Variants in ZNF410 observed in about 807,000 individuals in gnomAD.
ZNF410 encodes zinc finger protein 410.
In ZNF410, 18 loss-of-function variants were observed where a neutral mutation model predicts 54.8. The ratio of observed to expected loss-of-function variants is 0.33; its 90% confidence interval spans 0.23 to 0.49. The LOEUF is 0.49. Ranked by LOEUF, ZNF410 falls within the 20% of genes least tolerant of loss-of-function variation. The probability of loss-of-function intolerance (pLI) is 0.99; values close to 1 mark genes in which losing one functional copy is unlikely to be tolerated. For synonymous variants in ZNF410, 191 were observed against 207.3 expected, an observed-to-expected ratio of 0.92 and a Z score of 0.68; for missense variants, 405 against 569.6, an observed-to-expected ratio of 0.71 and a Z score of 2.94.
chr14:73,888,776 A>G (rs1445745410), intron 1 of ZNF410, among the ~76,000 whole-genome samples: 1 of 152,192 alleles, frequency 6.6e-6, no homozygotes, highest in African/African-American at 2.4e-5. Context: ...GTTAAAGATG[A>G]GATCCCCACA....
At chr14:73,886,958 A>T (rs1332279202) in intron 1 of ZNF410, 43 bp downstream of exon 1, 1 of 152,630 alleles carries the variant, frequency 6.6e-6, no homozygotes, top group Non-Finnish European at 1.5e-5. Context: ...TCGGTTAGGT[A>T]GTACCCGAGA....
intron 10 of ZNF410, 124 bp from the exon 11 acceptor site, chr14:73,923,271 G>GA (rs2055780806): frequency 2.7e-6 from 3 of 1,126,482 alleles, no homozygotes; most frequent in Non-Finnish European, 3.6e-6. Flanking sequence ...TAACTTGGAA[G>GA]AAATAGAGGA....
Position 73,896,474 on chromosome 14 carries a change from T to C in ZNF410, c.328T>C (p.Leu110=). The C allele has an allele frequency of 6.2e-7, 1 of 1,614,188 alleles. No homozygotes were observed. The highest frequency in any genetic ancestry group is 8.5e-7 in the Non-Finnish European group (1 of 1,180,032). The change falls in exon 4 of 12, where the codon TTG becomes CTG. Residue 110 remains leucine, a synonymous_variant. Transcript: ENST00000555044. ...GTCCACTTCAGAGTCTTCTAGCTTG[T>C]TGCAAGATCTACAGCCAAGTGATAG... ...FLSTSESSSL[L]QDLQPSDSTS...
intron 4 of ZNF410, 105 bp downstream of exon 4, chr14:73,896,639 T>G (rs1406793119): frequency 1.1e-6 from 1 of 929,386 alleles, no homozygotes; most frequent in Non-Finnish European, 1.6e-6. Flanking sequence ...CTTTATTATT[T>G]TATTATTTTG....
At chr14:73,890,977 C>G (rs960569944) in intron 1 of ZNF410, among the ~76,000 whole-genome samples, 1 of 152,100 alleles carries the variant, frequency 6.6e-6, no homozygotes, top group South Asian at 2.1e-4. Context: ...CATTGTGCTC[C>G]AGCCTGGGCA....
chr14:73,903,292 A>G (rs2055435261), intron 5 of ZNF410, among the ~76,000 whole-genome samples: 2 of 152,180 alleles, frequency 1.3e-5, no homozygotes, highest in African/African-American at 2.4e-5. Flanking sequence ...ACTCAGGGAT[A>G]GTGTTGCTAT....
chr14:73,893,963 A>C (rs2055271198), intron 3 of ZNF410, 31 bp downstream of exon 3: 5 of 1,591,550 alleles, frequency 3.1e-6, no homozygotes, highest in Middle Eastern at 3.5e-4. Flanking sequence ...AAATAGGATA[A>C]AGAAGTCTTA....
At chr14:73,905,994 T>TATATATATATACAC (rs1293177402) in intron 7 of ZNF410, among the ~76,000 whole-genome samples, 1 of 136,562 alleles carries the variant, frequency 7.3e-6, no homozygotes, top group African/African-American at 2.9e-5. Flanking sequence ...TATATATATA[T>TATATATATATACAC]ACACACATAC....
intron 10 of ZNF410, 22 bp downstream of exon 10, chr14:73,922,228 TA>T: frequency 6.2e-7 from 1 of 1,608,574 alleles, no homozygotes; most frequent in Non-Finnish European, 8.5e-7. Context: ...AACTCTCCTT[TA>T]TTTGGGAAAA....
At chr14:73,902,760 A>G (rs910301499) in intron 5 of ZNF410, among the ~76,000 whole-genome samples, 3 of 152,200 alleles carry the variant, frequency 2.0e-5, no homozygotes, top group Non-Finnish European at 1.5e-5. Context: ...AGAAAGTGAA[A>G]GAAAAGGACC....
intron 2 of ZNF410, chr14:73,893,525 A>G (rs967204870): frequency 3.2e-5 from 10 of 310,594 alleles, no homozygotes; most frequent in African/African-American, 2.2e-4. Flanking sequence ...AAAAAGTACA[A>G]TAAAAATAGG....
chr14:73,921,145 A>C (rs1418569392), intron 9 of ZNF410, 40 bp downstream of exon 9: 1 of 1,607,810 alleles, frequency 6.2e-7, no homozygotes, highest in Non-Finnish European at 8.5e-7. Flanking sequence ...TACTACTTCT[A>C]GGGTTCCAAG....
intron 7 of ZNF410, among the ~76,000 whole-genome samples, chr14:73,908,832 T>TG (rs1555353603): frequency 1.3e-5 from 2 of 151,166 alleles, no homozygotes; most frequent in African/African-American, 4.9e-5. Flanking sequence ...ACTGCATCTT[T>TG]TTTGTTTGTT....
chr14:73,897,963 C>T lies in ZNF410; in HGVS notation c.389-108C>T, dbSNP rs140848098. 1.8e-3 allele frequency: 1,776 copies of T among 1,013,240 alleles called. 26 individuals carry two copies. In the African/African-American group the frequency reaches 0.03, roughly 17 times the overall value. 62.8% of individuals were successfully genotyped at this position (1,013,240 alleles called of 1,614,324 possible). A position where few individuals can be genotyped will look rare whatever the true frequency, so the allele number is the denominator to read the frequency against. On this transcript the variant is annotated intron_variant, in intron 4 of 11. Transcript: ENST00000555044. Reference sequence around the variant, plus strand: ...CTCCAGCCTGGGTGACAGAGCGAGACGCCGTCTCAAAAAAAAAAAAAAAAA... The same window carrying T: ...CTCCAGCCTGGGTGACAGAGCGAGATGCCGTCTCAAAAAAAAAAAAAAAAA...
At chr14:73,923,998 C>T (rs1323336485) in intron 11 of ZNF410, among the ~76,000 whole-genome samples, 1 of 151,812 alleles carries the variant, frequency 6.6e-6, no homozygotes, top group Non-Finnish European at 1.5e-5. Flanking sequence ...AGTCCCTCAG[C>T]AAAAAAGGTA....
At chr14:73,888,029 G>C (rs1421784413) in intron 1 of ZNF410, among the ~76,000 whole-genome samples, 1 of 152,140 alleles carries the variant, frequency 6.6e-6, no homozygotes, top group Non-Finnish European at 1.5e-5. Flanking sequence ...ACCAGTTAGA[G>C]GCCTGTTTTA....
chr14:73,929,389 C>T (rs2055878436), intron 11 of ZNF410, among the ~76,000 whole-genome samples: 1 of 152,138 alleles, frequency 6.6e-6, no homozygotes, highest in Non-Finnish European at 1.5e-5. Flanking sequence ...TTTCAGGTGC[C>T]AGAGAAGGTG....
intron 9 of ZNF410, 80 bp downstream of exon 9, chr14:73,921,185 G>A (rs2140323434): frequency 6.4e-7 from 1 of 1,566,312 alleles, no homozygotes; most frequent in Non-Finnish European, 8.6e-7. Flanking sequence ...CTGCTTATCT[G>A]GAAATTTTCT....
chr14:73,898,902 C>T (rs2055363846), intron 5 of ZNF410, among the ~76,000 whole-genome samples: 2 of 152,240 alleles, frequency 1.3e-5, no homozygotes, highest in South Asian at 4.1e-4. Flanking sequence ...CTCTCAGGCC[C>T]ATGCCAGACC....
Sources: gnomAD v4.1 joint callset for allele counts (sites outside exome capture counted in the v4.1 genomes callset) on GRCh38, gnomAD v4.1.1 for gene constraint, MANE v1.5 for transcripts, NCBI Gene and HGNC (gene_info 2026-07-23, HGNC 2026-07-21) for gene names.